The following CYLD variants were observed in gnomAD, a reference collection of about 807,000 sequenced individuals.
CYLD encodes the protein CYLD lysine 63 deubiquitinase, also known as ubiquitin carboxyl-terminal hydrolase CYLD.
CYLD carries 26 observed loss-of-function variants against 104.5 expected under a neutral mutation model. The ratio of observed to expected loss-of-function variants is 0.25; its 90% confidence interval spans 0.18 to 0.35. The LOEUF (loss-of-function observed/expected upper bound fraction) is 0.35. Ranked by LOEUF, CYLD falls within the 10% of genes least tolerant of loss-of-function variation. The pLI is 1.00. For missense variants in CYLD, 703 were observed against 1,136.1 expected, an observed-to-expected ratio of 0.62 and a Z score of 5.48; for synonymous variants, 385 against 399.9, an observed-to-expected ratio of 0.96 and a Z score of 0.45.
At chr16:50,754,276 A>G (rs756059368) in intron 4 of CYLD, 43 bp from the exon 5 acceptor site, 1 of 1,279,944 alleles carries the variant, frequency 7.8e-7, no homozygotes, top group Non-Finnish European at 1.1e-6. Context: ...CCACATTTAC[A>G]TTTCATTGAG....
At chr16:50,756,133 C>T (rs574008015) in intron 5 of CYLD, among the ~76,000 whole-genome samples, 7 of 152,080 alleles carry the variant, frequency 4.6e-5, no homozygotes, top group Admixed American at 1.3e-4. Flanking sequence ...ATATCCTTTA[C>T]CCTCAAATGA....
intron 3 of CYLD, 72 bp downstream of exon 3, chr16:50,750,274 A>G: frequency 6.5e-7 from 1 of 1,534,968 alleles, no homozygotes; most frequent in Non-Finnish European, 9.0e-7. Flanking sequence ...GTATGCACAT[A>G]CATATTTTTC....
rs1597095381 is a variant in CYLD at position 50,794,864 on chromosome 16, A to C, written c.2686+436A>C. ...TCAAATTCCTGGCCTCAAGTGATTA[A>C]CCCTCCTTTTCCTCTCGATGTGCTG... On this transcript the variant is annotated intron_variant, in intron 18 of 18. Coordinates refer to ENST00000427738, the MANE Select transcript of CYLD (RefSeq NM_001378743.1). This position sits in a 1 kb window ranked among gnomAD's most constrained non-coding sequence, Gnocchi z 4.1. The C allele has an allele frequency of 8.2e-6, 2 of 244,904 alleles. No homozygotes were observed. The highest frequency in any genetic ancestry group is 5.0e-5 in the South Asian group (1 of 20,182). The allele number at this position is 244,904 out of a possible 1,614,324, so 15.2% of individuals were successfully genotyped here.
chr16:50,779,825 T>G lies in CYLD; in HGVS notation c.1299T>G (p.Ile433Met). The part of the protein sequence containing the change: ...LTKMPNTNGS[I>M]GHSPLSLSAQ... ...AGATGCCCAATACCAATGGAAGTATTGGCCACAGTCCACTTTCTCTGTCAG... is the reference window on the plus strand; with the variant it reads ...AGATGCCCAATACCAATGGAAGTATGGGCCACAGTCCACTTTCTCTGTCAG... Residue 433 changes from isoleucine to methionine, a missense_variant, in exon 9 of 19, where the codon ATT becomes ATG. Physicochemically the swap from Ile to Met is conservative, Grantham distance 10. Transcript: ENST00000427738. The G allele has an allele frequency of 2.5e-6, 4 of 1,613,510 alleles. No homozygotes were observed. The highest frequency in any genetic ancestry group is 3.4e-6 in the Non-Finnish European group (4 of 1,179,946).
intron 5 of CYLD, among the ~76,000 whole-genome samples, chr16:50,764,440 ATAAAAGCCTCT>A (rs1186609040): frequency 1.3e-5 from 2 of 152,108 alleles, no homozygotes; most frequent in Non-Finnish European, 2.9e-5. Flanking sequence ...AATGTTGTTT[ATAAAAGCCTCT>A]TAATTTTCTG....
intron 16 of CYLD, among the ~76,000 whole-genome samples, chr16:50,793,129 C>T (rs961062228): frequency 1.8e-4 from 28 of 152,046 alleles, no homozygotes; most frequent in African/African-American, 6.5e-4. Flanking sequence ...CACACACACA[C>T]ACACACACAC....
In CYLD at chr16:50,768,794, C is replaced by T. The variant is rs79141227; in HGVS notation, c.914-6372C>T. Among the ~76,000 whole-genome samples the T allele has an allele frequency of 1.6e-4, 25 of 152,160 alleles. No individual in the cohort carries two copies. The East Asian group carries it at 3.3e-3, about 20-fold the overall frequency. On this transcript the variant is annotated intron_variant, in intron 5 of 18. Coordinates refer to ENST00000427738, the MANE Select transcript of CYLD (RefSeq NM_001378743.1). ...TGGGAGTATAATGCTGTTTTTTTGA[C>T]GATCTCTACGATCAAGATAGTGAAC...
chr16:50,790,696 C>G (rs1228263773), intron 14 of CYLD, among the ~76,000 whole-genome samples: 1 of 150,462 alleles, frequency 6.6e-6, no homozygotes, highest in Non-Finnish European at 1.5e-5. Flanking sequence ...GCAGGCTGAT[C>G]TCTGAATAGC....
chr16:50,742,428 C>A, intron 1 of CYLD: 1 of 200,244 alleles, frequency 5.0e-6, no homozygotes, highest in East Asian at 1.0e-4. Context: ...GCTTCCCCAT[C>A]CCCCGAGGCT....
Position 50,766,098 on chromosome 16 carries a change from A to G in CYLD, c.914-9068A>G, listed in dbSNP as rs528574998. Among the ~76,000 whole-genome samples the G allele has an allele frequency of 1.8e-4, 27 of 152,360 alleles. 1 individual carries two copies. In the Middle Eastern group the frequency reaches 0.017, roughly 96 times the overall value. ...CTTCTATTGGAAGAAGATACCATCT[A>G]AGACTTTCATAGCTGAGATGAGTAG... On this transcript the variant is annotated intron_variant, in intron 5 of 18. Transcript: ENST00000427738.
chr16:50,796,720 G>T lies in CYLD; in HGVS notation c.*212G>T, dbSNP rs568159513. The T allele has an allele frequency of 8.8e-6, 5 of 568,954 alleles. No individual in the cohort carries two copies. The South Asian group carries it at 1.0e-4, about 11-fold the overall frequency. The allele number at this position is 568,954 out of a possible 1,614,324, so 35.2% of individuals were successfully genotyped here. A position where few individuals can be genotyped will look rare whatever the true frequency, so the allele number is the denominator to read the frequency against. Reference sequence around the variant, plus strand: ...ATTTTGCACTCTAGAAAGTATGTTTGTGTTGGTTTTTTAAGAAGTCTAAAT... The same window carrying T: ...ATTTTGCACTCTAGAAAGTATGTTTTTGTTGGTTTTTTAAGAAGTCTAAAT... On this transcript the variant is annotated 3_prime_UTR_variant, in exon 19 of 19. Transcript: ENST00000427738.
intron 5 of CYLD, among the ~76,000 whole-genome samples, chr16:50,760,069 A>G (rs1305714984): frequency 2.0e-5 from 3 of 152,238 alleles, no homozygotes; most frequent in Non-Finnish European, 4.4e-5. Flanking sequence ...CTTGCTTTAT[A>G]TGTATCTGTC....
At chr16:50,749,326 C>A (rs948641072) in intron 2 of CYLD, among the ~76,000 whole-genome samples, 4 of 152,122 alleles carry the variant, frequency 2.6e-5, no homozygotes, top group Admixed American at 2.0e-4. Context: ...ATTGTGTTGT[C>A]TTTGAAAGTA....
rs1019295441 is a variant in CYLD, at chr16:50,742,844, ATTCT to A, written c.-124+10_-124+13del. The A allele has an allele frequency of 8.8e-4, 145 of 165,710 alleles. No homozygotes were observed. Among genetic ancestry groups the A allele is most frequent in the Admixed American group, 1.1e-4 (1 of 8,970 alleles). 10.3% of individuals were successfully genotyped at this position (165,710 alleles called of 1,614,324 possible). A position where few individuals can be genotyped will look rare whatever the true frequency, so the allele number is the denominator to read the frequency against. On this transcript the variant is annotated splice_donor_5th_base_variant and intron_variant, in intron 2 of 18. Coordinates refer to ENST00000427738, the MANE Select transcript of CYLD (RefSeq NM_001378743.1). The stretch of plus-strand genomic sequence containing the variant: ...AAAGGTGCGCCCTGCTGTGACAGGT[ATTCT>A]TTCTTTATGTTTTTCTTTCATGTTA...
chr16:50,771,388 G>A (rs1003281183), intron 5 of CYLD, among the ~76,000 whole-genome samples: 2 of 151,916 alleles, frequency 1.3e-5, no homozygotes, highest in Non-Finnish European at 1.5e-5. Flanking sequence ...TGGATCTGCC[G>A]TATTTTGTTT....
chr16:50,766,445 A>G (rs922911848), intron 5 of CYLD, among the ~76,000 whole-genome samples: 6 of 152,234 alleles, frequency 3.9e-5, no homozygotes, highest in African/African-American at 7.2e-5. Flanking sequence ...CAAGGAGATT[A>G]ATGTTGTTTT....
At chr16:50,760,235 C>A (rs1458240630) in intron 5 of CYLD, among the ~76,000 whole-genome samples, 1 of 152,136 alleles carries the variant, frequency 6.6e-6, no homozygotes, top group Non-Finnish European at 1.5e-5. Context: ...ATAGAAGTCA[C>A]ACATATAATG....
intron 14 of CYLD, among the ~76,000 whole-genome samples, chr16:50,791,215 G>C (rs573133550): frequency 1.3e-5 from 2 of 152,334 alleles, no homozygotes; most frequent in East Asian, 1.9e-4. Context: ...CTGCTTTCTA[G>C]ATTTGGGCAG....
chr16:50,795,609 T>G (rs1351041773), intron 18 of CYLD: 2 of 702,906 alleles, frequency 2.8e-6, no homozygotes, highest in Non-Finnish European at 5.2e-6. Context: ...CCTAAGACAT[T>G]CCCTGTGGCA....
Sources: gnomAD v4.1 joint callset for allele counts (sites outside exome capture counted in the v4.1 genomes callset) on GRCh38, gnomAD v4.1.1 for gene constraint, Gnocchi (gnomAD v3.1) non-coding constraint, MANE v1.5 for transcripts, NCBI Gene and HGNC (gene_info 2026-07-23, HGNC 2026-07-21) for gene names.